GOLM2: variants seen among roughly 807,000 people sequenced by gnomAD.
GOLM2 encodes golgi membrane protein 2.
A neutral mutation model predicts 55.9 loss-of-function variants in GOLM2; 26 were observed. That is an observed-to-expected ratio of 0.47 (90% CI 0.34 to 0.65). The LOEUF (loss-of-function observed/expected upper bound fraction) is 0.65. Among genes scored for constraint, GOLM2 ranks in the 30% least tolerant of loss-of-function variants. The pLI is 0.01. For synonymous variants in GOLM2, 165 were observed against 194.6 expected (o/e 0.85, Z 1.27); for missense variants, 486 against 531.8 (o/e 0.91, Z 0.85).
chr15:44,352,707 A>C (rs1595642671), intron 6 of GOLM2, among the ~76,000 whole-genome samples: 1 of 152,204 alleles, frequency 6.6e-6, no homozygotes, highest in South Asian at 2.1e-4. Flanking sequence ...GAAGTTCGAG[A>C]CCAGCCTGGC....
At chr15:44,379,637 T>TTTTAAA in intron 6 of GOLM2, 53 bp from the exon 7 acceptor site, 1 of 736,324 alleles carries the variant, frequency 1.4e-6, no homozygotes, top group Non-Finnish European at 2.2e-6. Context: ...TTTTTTTTTT[T>TTTTAAA]TAGAAATCAT....
At chr15:44,332,610 A>T (rs1050266440) in intron 4 of GOLM2, among the ~76,000 whole-genome samples, 5 of 152,154 alleles carry the variant, frequency 3.3e-5, no homozygotes, top group African/African-American at 2.4e-5. Context: ...CCATCTTTTT[A>T]AAAAAATAAT....
intron 8 of GOLM2, among the ~76,000 whole-genome samples, chr15:44,382,430 G>T (rs927006064): frequency 2.0e-5 from 3 of 151,932 alleles, no homozygotes; most frequent in African/African-American, 7.3e-5. Flanking sequence ...AGGTTCAAGC[G>T]ATTCTTCTGC....
At chr15:44,356,917 T>C (rs1404033619) in intron 6 of GOLM2, among the ~76,000 whole-genome samples, 1 of 152,138 alleles carries the variant, frequency 6.6e-6, no homozygotes, top group Non-Finnish European at 1.5e-5. Flanking sequence ...ATGCCTGTAA[T>C]CCTAGCACTT....
chr15:44,304,057 G>A (rs971206343), intron 1 of GOLM2, among the ~76,000 whole-genome samples: 1 of 151,134 alleles, frequency 6.6e-6, no homozygotes, highest in African/African-American at 2.4e-5. Flanking sequence ...AAATTTTGTA[G>A]AGATGTGGTC....
At chr15:44,329,932 C>T (rs2079010661) in intron 3 of GOLM2, among the ~76,000 whole-genome samples, 1 of 142,334 alleles carries the variant, frequency 7.0e-6, no homozygotes, top group South Asian at 2.3e-4. Flanking sequence ...TGGAGTCTCT[C>T]ACGTCTCTCG....
rs149086037 is a variant in GOLM2, at chr15:44,323,636, G to A, written c.382+617G>A. Among the ~76,000 whole-genome samples, 5 of 150,450 alleles carry A rather than the reference G, an allele frequency of 3.3e-5. 1 individual carries two copies. The highest frequency in any genetic ancestry group is 9.7e-5 in the African/African-American group (4 of 41,208). On this transcript the variant is annotated intron_variant, in intron 2 of 9. Coordinates refer to ENST00000299957, the MANE Select transcript of GOLM2 (RefSeq NM_138423.4). ...ATAGCTGTTAGCCTTTGAAGTTTGGGTTCTGAGGAACAATCCTCATCTCCC... is the reference window on the plus strand; with the variant it reads ...ATAGCTGTTAGCCTTTGAAGTTTGGATTCTGAGGAACAATCCTCATCTCCC...
At chr15:44,299,303 T>C (rs1055081198) in intron 1 of GOLM2, among the ~76,000 whole-genome samples, 3 of 152,038 alleles carry the variant, frequency 2.0e-5, no homozygotes, top group Non-Finnish European at 4.4e-5. Flanking sequence ...TTTTTGTTTT[T>C]TTTTTTTGAG....
rs1595630317 is a variant in GOLM2, at chr15:44,331,845, C to T, written c.486-143C>T. On this transcript the variant is annotated intron_variant, in intron 3 of 9. Coordinates refer to ENST00000299957, the MANE Select transcript of GOLM2 (RefSeq NM_138423.4). ...GTATTTTAAAAGTTTTGATTGTGAGCTATTTGTATGCTCTGTTTTTTCCAG... is the reference window on the plus strand; with the variant it reads ...GTATTTTAAAAGTTTTGATTGTGAGTTATTTGTATGCTCTGTTTTTTCCAG... 3 of 568,718 alleles carry T rather than the reference C, an allele frequency of 5.3e-6. No individual in the cohort carries two copies. In the East Asian group the frequency reaches 9.5e-5, roughly 18 times the overall value. 35.2% of individuals were successfully genotyped at this position (568,718 alleles called of 1,614,324 possible).
intron 6 of GOLM2, among the ~76,000 whole-genome samples, chr15:44,365,109 C>T (rs1422541029): frequency 2.0e-5 from 3 of 152,110 alleles, no homozygotes; most frequent in African/African-American, 7.2e-5. Flanking sequence ...AAGCTTTATT[C>T]GTAATTGCCA....
rs941520571 is a variant in GOLM2 at position 44,415,337 on chromosome 15, C to T, written c.*1931C>T. ...GGTAGGGAGATGAATCAAAAAATAC[C>T]CCTAGTAATGCTTTATATTTTAATA... is the stretch of plus-strand genomic sequence containing the variant. On this transcript the variant is annotated 3_prime_UTR_variant, in exon 10 of 10. Transcript: ENST00000299957. 3 of 152,436 alleles carry T rather than the reference C, an allele frequency of 2.0e-5. No homozygotes were observed. The highest frequency in any genetic ancestry group is 7.2e-5 in the African/African-American group (3 of 41,396). 9.4% of individuals were successfully genotyped at this position (152,436 alleles called of 1,614,324 possible).
intron 6 of GOLM2, among the ~76,000 whole-genome samples, chr15:44,358,405 G>C (rs2079211906): frequency 6.6e-6 from 1 of 152,038 alleles, no homozygotes; most frequent in African/African-American, 2.4e-5. Flanking sequence ...ATTCAGAATA[G>C]CCAACACAAT....
intron 6 of GOLM2, among the ~76,000 whole-genome samples, chr15:44,363,978 G>A (rs1297290110): frequency 1.3e-5 from 2 of 151,742 alleles, no homozygotes; most frequent in Non-Finnish European, 2.9e-5. Context: ...TCACTCATAG[G>A]TGGGAATTGA....
At chr15:44,357,600 A>T (rs1308847993) in intron 6 of GOLM2, among the ~76,000 whole-genome samples, 1 of 152,188 alleles carries the variant, frequency 6.6e-6, no homozygotes, top group East Asian at 1.9e-4. Flanking sequence ...GGGAAGGAAG[A>T]AATAAAACTC....
rs959905710 is a variant in GOLM2, at chr15:44,336,686, G to T, written c.577-1077G>T. 3.3e-5 allele frequency among the ~76,000 whole-genome samples: 5 copies of T among 152,036 alleles called. No individual in the cohort carries two copies. The South Asian group carries it at 1.0e-3, about 32-fold the overall frequency. ...AATCCCAGCACTTTGGGAGGCCGAG[G>T]TTGGCAGATGACGAGGTCAGGAGAT... On this transcript the variant is annotated intron_variant, in intron 4 of 9. Coordinates refer to ENST00000299957, the MANE Select transcript of GOLM2 (RefSeq NM_138423.4).
At chr15:44,313,213 A>C (rs746961909) in intron 1 of GOLM2, among the ~76,000 whole-genome samples, 5 of 152,198 alleles carry the variant, frequency 3.3e-5, no homozygotes, top group Admixed American at 6.5e-5. Context: ...TGTGCCACTC[A>C]CTGCACTCCA....
chr15:44,342,722 T>G (rs1055611564), intron 6 of GOLM2, among the ~76,000 whole-genome samples: 9 of 152,346 alleles, frequency 5.9e-5, no homozygotes, highest in African/African-American at 2.2e-4. Context: ...CTGTGATCAT[T>G]CGGATGCAAA....
At chr15:44,410,118 AGG>A (rs2079627388) in intron 9 of GOLM2, among the ~76,000 whole-genome samples, 5 of 151,914 alleles carry the variant, frequency 3.3e-5, no homozygotes, top group Non-Finnish European at 7.4e-5. Flanking sequence ...CTTTCTGGAG[AGG>A]TACCCGTGAT....
chr15:44,377,731 T>A (rs1042376508), intron 6 of GOLM2, among the ~76,000 whole-genome samples: 55 of 152,260 alleles, frequency 3.6e-4, no homozygotes, highest in African/African-American at 1.3e-3. Flanking sequence ...TTGAGAGTTT[T>A]GATTCAGCAC....
Sources: allele counts gnomAD v4.1 joint callset (sites outside exome capture counted in the v4.1 genomes callset), GRCh38; gene constraint gnomAD v4.1.1; transcripts MANE v1.5; gene names NCBI Gene and HGNC (gene_info 2026-07-23, HGNC 2026-07-21).